The following SHISA9 variants were observed in gnomAD, a reference collection of about 807,000 sequenced individuals.
The protein encoded by SHISA9 is protein shisa-9.
In SHISA9, 13 loss-of-function variants were observed where a neutral mutation model predicts 38.0. That is an observed-to-expected ratio of 0.34 (90% CI 0.22 to 0.54). The LOEUF (loss-of-function observed/expected upper bound fraction) is 0.54. SHISA9 is among the 20% of genes least tolerant of loss of function. The pLI, the probability that SHISA9 is intolerant of heterozygous loss-of-function variation, is 0.91. For missense variants in SHISA9, 538 were observed against 575.8 expected, an observed-to-expected ratio of 0.93 and a Z score of 0.67; for synonymous variants, 275 against 242.0, an observed-to-expected ratio of 1.14 and a Z score of -1.27.
intron 2 of SHISA9, among the ~76,000 whole-genome samples, chr16:13,195,730 A>G (rs1280072151): frequency 6.6e-6 from 1 of 152,148 alleles, no homozygotes; most frequent in Non-Finnish European, 1.5e-5. Flanking sequence ...ATGTCACTTT[A>G]CCTCAGTGAT....
chr16:13,013,848 C>A (rs1434766750), intron 2 of SHISA9, among the ~76,000 whole-genome samples: 1 of 152,196 alleles, frequency 6.6e-6, no homozygotes. Context: ...CTGCCTCAGC[C>A]TCCTGAGTAG....
chr16:13,271,183 G>C, the SHISA9 span, among the ~76,000 whole-genome samples: 4 of 152,330 alleles, frequency 2.6e-5, no homozygotes, highest in African/African-American at 9.6e-5. Flanking sequence ...GCTCAATGCA[G>C]AAGCAATGGA....
chr16:13,087,565 T>G (rs569794323), intron 2 of SHISA9, among the ~76,000 whole-genome samples: 27 of 152,374 alleles, frequency 1.8e-4, no homozygotes, highest in Admixed American at 4.6e-4. Flanking sequence ...TTTGCATTTC[T>G]CTGATGATCA....
chr16:13,001,511 A>G (rs1479039249), intron 2 of SHISA9, among the ~76,000 whole-genome samples: 2 of 152,300 alleles, frequency 1.3e-5, no homozygotes, highest in East Asian at 1.9e-4. Context: ...TAAAATTGCA[A>G]TGCCCCAAAC....
At chr16:13,318,148 T>A in the SHISA9 span, among the ~76,000 whole-genome samples, 6 of 152,162 alleles carry the variant, frequency 3.9e-5, no homozygotes, top group Non-Finnish European at 8.8e-5. Context: ...CAATAGGTCA[T>A]AAACTTAAGG....
intron 2 of SHISA9, among the ~76,000 whole-genome samples, chr16:13,157,283 G>C (rs2050555918): frequency 6.6e-6 from 1 of 152,174 alleles, no homozygotes; most frequent in Non-Finnish European, 1.5e-5. Context: ...TAAGGAAGTT[G>C]TTTGTGTGAA....
chr16:12,910,677 G>C (rs2071170650), intron 1 of SHISA9: 2 of 985,266 alleles, frequency 2.0e-6, no homozygotes, highest in Admixed American at 1.2e-4. Flanking sequence ...TAATTCTCCT[G>C]AACTGGGTGG....
intron 4 of SHISA9, among the ~76,000 whole-genome samples, chr16:13,223,117 A>G (rs1286176128): frequency 6.6e-6 from 1 of 152,194 alleles, no homozygotes; most frequent in Non-Finnish European, 1.5e-5. Flanking sequence ...ATGGTAAAGA[A>G]GATTTTGTAG....
the SHISA9 span, among the ~76,000 whole-genome samples, chr16:13,289,221 T>C: frequency 1.2e-4 from 19 of 152,216 alleles, no homozygotes; most frequent in Admixed American, 1.2e-3. Flanking sequence ...GTCCTGTCTC[T>C]TGTCTATCAT....
the SHISA9 span, among the ~76,000 whole-genome samples, chr16:13,279,664 A>C: frequency 3.3e-5 from 5 of 151,958 alleles, no homozygotes; most frequent in African/African-American, 1.2e-4. Flanking sequence ...AAAGATGTCC[A>C]GGCAGTCGAT....
the SHISA9 span, among the ~76,000 whole-genome samples, chr16:13,440,533 A>G: frequency 1.3e-5 from 2 of 152,192 alleles, no homozygotes; most frequent in Non-Finnish European, 2.9e-5. Flanking sequence ...CCCCCTTTGC[A>G]TGTCTCCTAG....
chr16:13,112,061 G>T (rs2073983843), intron 2 of SHISA9, among the ~76,000 whole-genome samples: 1 of 152,136 alleles, frequency 6.6e-6, no homozygotes, highest in South Asian at 2.1e-4. Context: ...GACTCCAAAG[G>T]CCTTTCTATC....
the SHISA9 span, among the ~76,000 whole-genome samples, chr16:13,472,377 ATTTTTTTTTTTTT>A: frequency 1.1e-4 from 6 of 55,470 alleles, no homozygotes; most frequent in Admixed American, 3.2e-4. Flanking sequence ...GCTCTGCTAA[ATTTTTTTTTTTTT>A]TTTTTTTTTT....
At chr16:13,532,914 C>T in the SHISA9 span, among the ~76,000 whole-genome samples, 9 of 152,124 alleles carry the variant, frequency 5.9e-5, no homozygotes, top group Non-Finnish European at 1.3e-4. Context: ...TCCATCCAAT[C>T]CCCTCGCTTC....
the SHISA9 span, among the ~76,000 whole-genome samples, chr16:13,442,600 C>T: frequency 6.6e-6 from 1 of 152,150 alleles, no homozygotes; most frequent in Non-Finnish European, 1.5e-5. Context: ...CCATCTCACC[C>T]AGCAAACAAA....
Position 12,953,618 on chromosome 16 carries a change from C to T in SHISA9, c.691+36803C>T, listed in dbSNP as rs149427908. On this transcript the variant is annotated intron_variant, in intron 2 of 4. Coordinates refer to ENST00000558583, the MANE Select transcript of SHISA9 (RefSeq NM_001145204.3). ...AGACCTATTACTCTTTTACTGCCTA[C>T]AAGTAGAGACAGCCTTGGGGCTCAG... is the stretch of plus-strand genomic sequence containing the variant. Among the ~76,000 whole-genome samples the T allele has an allele frequency of 3.9e-3, 601 of 152,278 alleles. 7 individuals carry two copies. Among genetic ancestry groups the T allele is most frequent in the African/African-American group, 0.014 (578 of 41,562 alleles).
intron 2 of SHISA9, among the ~76,000 whole-genome samples, chr16:12,971,892 C>G (rs1257297479): frequency 6.6e-6 from 1 of 152,146 alleles, no homozygotes; most frequent in Non-Finnish European, 1.5e-5. Context: ...CTTTAGAGAA[C>G]TGTCCTATAG....
intron 2 of SHISA9, among the ~76,000 whole-genome samples, chr16:13,046,380 G>A (rs995261644): frequency 1.3e-5 from 2 of 152,206 alleles, no homozygotes; most frequent in African/African-American, 4.8e-5. Context: ...ATTTTTAGAT[G>A]GCTTGGGGAG....
chr16:12,940,240 A>G (rs1310620087), intron 2 of SHISA9, among the ~76,000 whole-genome samples: 3 of 152,142 alleles, frequency 2.0e-5, no homozygotes, highest in Non-Finnish European at 4.4e-5. Flanking sequence ...TGTTAGATAC[A>G]GTTAGTTTCC....
Sources: gnomAD v4.1 joint callset for allele counts (sites outside exome capture counted in the v4.1 genomes callset) on GRCh38, gnomAD v4.1.1 for gene constraint, MANE v1.5 for transcripts, NCBI Gene and HGNC (gene_info 2026-07-23, HGNC 2026-07-21) for gene names.